Variants in ESPL1 observed in about 807,000 individuals in gnomAD.
ESPL1 encodes the protein separin.
Under a neutral mutation model 217.2 loss-of-function variants are expected in ESPL1, and 50 were observed. The observed-to-expected ratio is 0.23, with a 90% CI of 0.18 to 0.29. The LOEUF is 0.29. ESPL1 is among the 10% of genes least tolerant of loss of function. The probability of loss-of-function intolerance (pLI) is 1.00; values close to 1 mark genes in which losing one functional copy is unlikely to be tolerated. For synonymous variants in ESPL1, 994 were observed against 1,081.3 expected (o/e 0.92, Z 1.58); for missense variants, 1,834 against 2,603.0 (o/e 0.70, Z 6.43).
chr12:53,270,980 A>G (rs56805200), intron 5 of ESPL1, among the ~76,000 whole-genome samples, 182 bp downstream of exon 5: 5,343 of 152,228 alleles, frequency 0.035, 291 homozygotes, highest in African/African-American at 0.12. Flanking sequence ...GAAGTGATGA[A>G]GCTAACTTAC....
chr12:53,283,097 A>G, intron 14 of ESPL1, 32 bp from the exon 15 acceptor site: 2 of 1,613,642 alleles, frequency 1.2e-6, no homozygotes, highest in South Asian at 1.1e-5. Flanking sequence ...TTCTGGCTGC[A>G]TCTTCTCCCT....
intron 12 of ESPL1, 97 bp downstream of exon 12, chr12:53,279,963 G>A (rs538350037): frequency 1.0e-4 from 140 of 1,373,584 alleles, no homozygotes; most frequent in African/African-American, 1.3e-4. Context: ...GCAGCTTCTC[G>A]GCCTTTTACC....
At position 53,269,169 on chromosome 12, in the gene ESPL1, A is replaced by T. The variant is rs999059770; in HGVS notation, c.227A>T (p.Glu76Val). Residue 76 changes from glutamate (E) to valine (V), a missense_variant, in exon 3 of 31, where the codon GAG (glutamate) becomes GTG (valine). By Grantham distance (121) the Glu-to-Val change is moderately radical. Coordinates refer to ENST00000257934, the MANE Select transcript of ESPL1 (RefSeq NM_012291.5). This position sits in a 1 kb window ranked among gnomAD's most constrained non-coding sequence, Gnocchi z 6.7. ...ACPRHLGSLL[E>V]LAELACDGYL... ...CCTAGGCATCTGGGGAGCCTGCTGG[A>T]GCTGGCAGAGCTGGCCTGTGATGGC... The T allele has an allele frequency of 5.6e-6, 9 of 1,614,036 alleles. No homozygotes were observed. The highest frequency in any genetic ancestry group is 7.6e-6 in the Non-Finnish European group (9 of 1,180,040).
intron 15 of ESPL1, 62 bp from the exon 16 acceptor site, chr12:53,283,320 T>G (rs1592489388): frequency 6.2e-7 from 1 of 1,611,442 alleles, no homozygotes; most frequent in Non-Finnish European, 8.5e-7. Flanking sequence ...AGGGCTGCGG[T>G]TTTTTCTCCA....
Position 53,292,288 on chromosome 12 carries a change from C to T in ESPL1, c.5807C>T (p.Ser1936Leu), listed in dbSNP as rs763549148. ...GTGTCTCCTCCTCAGTATGGGGCCT[C>T]GCCAGTGCTGAGTCAAGGGGTGGAT... is the stretch of plus-strand genomic sequence containing the variant. ...SYSIIKEYGA[S>L]PVLSQGVDPR... Residue 1936 changes from serine to leucine, a missense_variant, in exon 28 of 31, where the codon TCG becomes TTG. Physicochemically the swap from Ser to Leu is moderately radical, Grantham distance 145. This residue lies in a region of ESPL1 where 295 missense variants were observed against 519.8 expected (regional missense o/e 0.57). Transcript: ENST00000257934. This position sits in a 1 kb window ranked among gnomAD's most constrained non-coding sequence, Gnocchi z 4.5. 2.5e-6 allele frequency: 4 copies of T among 1,612,088 alleles called. No individual in the cohort carries two copies. In the Admixed American group the frequency reaches 5.0e-5, roughly 20 times the overall value.
Position 53,269,401 on chromosome 12 carries a change from G to T in ESPL1, c.459G>T (p.Lys153Asn). ...GGGGCAGCTTTTCTCTGCTTTGGAAGGGGGCAGAAGCCCTGTTGGAACGGC... is the reference window on the plus strand; with the variant it reads ...GGGGCAGCTTTTCTCTGCTTTGGAATGGGGCAGAAGCCCTGTTGGAACGGC... The part of the protein sequence containing the change: ...VARGSFSLLW[K>N]GAEALLERRA... Residue 153 changes from lysine to asparagine, a missense_variant, in exon 3 of 31, where the codon AAG becomes AAT. Transcript: ENST00000257934. The surrounding 1 kb of genome is among the most constrained non-coding windows in gnomAD (Gnocchi z 6.7). 1 of 1,613,956 alleles carries T rather than the reference G, an allele frequency of 6.2e-7. No individual in the cohort carries two copies. Among genetic ancestry groups the T allele is most frequent in the Non-Finnish European group, 8.5e-7 (1 of 1,180,000 alleles).
intron 7 of ESPL1, 93 bp downstream of exon 7, chr12:53,275,103 G>A (rs529682457): frequency 7.9e-6 from 8 of 1,006,740 alleles, no homozygotes; most frequent in Admixed American, 6.4e-5. Flanking sequence ...AGGAGTTTGA[G>A]ACCATGGCCA....
intron 12 of ESPL1, among the ~76,000 whole-genome samples, chr12:53,281,215 G>T (rs908113680): frequency 7.3e-6 from 1 of 136,672 alleles, no homozygotes; most frequent in African/African-American, 2.8e-5. Context: ...TCCATTCACT[G>T]CAACCTCTGC....
Position 53,289,496 on chromosome 12 carries a change from G to T in ESPL1, c.5015G>T (p.Arg1672Leu). 1 of 1,614,074 alleles carries T rather than the reference G, an allele frequency of 6.2e-7. No individual in the cohort carries two copies. Residue 1672 changes from arginine (R) to leucine (L), a missense_variant, in exon 22 of 31, where the codon CGC (arginine) becomes CTC (leucine). By Grantham distance (102) the Arg-to-Leu change is moderately radical. This residue lies in a region of ESPL1 where 681 missense variants were observed against 808.0 expected (regional missense o/e 0.84). Coordinates refer to ENST00000257934, the MANE Select transcript of ESPL1 (RefSeq NM_012291.5). ...QEMPGDVPLARIQRLFSFRAL... is the reference protein window; with the variant it reads ...QEMPGDVPLALIQRLFSFRAL... ...ATGCCTGGAGATGTCCCCCTGGCCC[G>T]CATCCAGCGCCTCTTTTCCTTCAGG...
chr12:53,284,966 G>A lies in ESPL1; in HGVS notation c.3187+799G>A, dbSNP rs1045340115. ...GGCGGAGGTTGCAGTGAGGAAGATT[G>A]CACCATTGCACTCCAGCCCGGGTGA... On this transcript the variant is annotated intron_variant, in intron 17 of 30. Transcript: ENST00000257934. 7.4e-5 allele frequency among the ~76,000 whole-genome samples: 10 copies of A among 134,526 alleles called. No individual in the cohort carries two copies. In the East Asian group the frequency reaches 1.1e-3, roughly 15 times the overall value. The allele number at this position is 134,526 out of a possible 152,430, so 88.3% of individuals were successfully genotyped here. A position where few individuals can be genotyped will look rare whatever the true frequency, so the allele number is the denominator to read the frequency against.
intron 24 of ESPL1, 52 bp downstream of exon 24, chr12:53,290,521 TC>T: frequency 6.2e-7 from 1 of 1,600,920 alleles, no homozygotes; most frequent in Non-Finnish European, 8.5e-7. Flanking sequence ...ACCCGGGGGG[TC>T]CCAGTGACTT....
intron 7 of ESPL1, among the ~76,000 whole-genome samples, chr12:53,275,229 G>A (rs977085412): frequency 2.6e-5 from 4 of 152,180 alleles, no homozygotes; most frequent in South Asian, 2.1e-4. Flanking sequence ...TTGGGAGGCC[G>A]AGGCGGGCAG....
chr12:53,278,189 G>C (rs933135794), intron 11 of ESPL1, among the ~76,000 whole-genome samples: 5 of 151,966 alleles, frequency 3.3e-5, no homozygotes, highest in African/African-American at 9.6e-5. Flanking sequence ...TCTAAAATAG[G>C]GGCCATGCTA....
chr12:53,285,010 CA>C (rs546915854), intron 17 of ESPL1, among the ~76,000 whole-genome samples: 11 of 100,458 alleles, frequency 1.1e-4, no homozygotes, highest in African/African-American at 2.2e-4. Context: ...GACTCTGACT[CA>C]AAAAAAAAAA....
In ESPL1 at chr12:53,290,448, G is replaced by A; in HGVS notation, c.5343G>A (p.Leu1781=). ...AGCGAGAATGGTGGACAGGGCGGCT[G>A]GCACTGGACCACAGGATGGAGGTGT... ...TDKREWWTGR[L]ALDHRMEVLI... The change falls in exon 24 of 31, where the codon CTG becomes CTA. Residue 1781 remains leucine, a synonymous_variant. Transcript: ENST00000257934. 1 of 1,613,004 alleles carries A rather than the reference G, an allele frequency of 6.2e-7. No individual in the cohort carries two copies. Among genetic ancestry groups the A allele is most frequent in the Non-Finnish European group, 8.5e-7 (1 of 1,179,774 alleles).
Position 53,278,442 on chromosome 12 carries a change from C to T in ESPL1, c.2364+482C>T, listed in dbSNP as rs549519134. 8.7e-5 allele frequency among the ~76,000 whole-genome samples: 13 copies of T among 149,906 alleles called. No homozygotes were observed. The East Asian group carries it at 2.4e-3, about 28-fold the overall frequency. ...AGTGAGCCAAGATCGCGCCACTGCA[C>T]TCCATCCTGGGGGACAGAGCAAGAT... On this transcript the variant is annotated intron_variant, in intron 11 of 30. Transcript: ENST00000257934.
rs1050620550 is a variant in ESPL1, at chr12:53,287,057, A to C, written c.4176+145A>C. 10 of 777,646 alleles carry C rather than the reference A, an allele frequency of 1.3e-5. No individual in the cohort carries two copies. In the African/African-American group the frequency reaches 1.8e-4, roughly 14 times the overall value. The allele number at this position is 777,646 out of a possible 1,614,324, so 48.2% of individuals were successfully genotyped here. On this transcript the variant is annotated intron_variant, in intron 18 of 30. Coordinates refer to ENST00000257934, the MANE Select transcript of ESPL1 (RefSeq NM_012291.5). The stretch of plus-strand genomic sequence containing the variant: ...AATCTCCTGCTATCTGCAGTACCCC[A>C]ATATCTTGCTTTTTTGTTTTTTGTT...
At chr12:53,276,948 T>C (rs1943775937) in intron 8 of ESPL1, 89 bp downstream of exon 8, 2 of 1,563,306 alleles carry the variant, frequency 1.3e-6, no homozygotes. Flanking sequence ...TCCACAGCCC[T>C]GAGCTCTCCC....
At chr12:53,277,264 T>C (rs772556066) in intron 9 of ESPL1, 37 bp downstream of exon 9, 1 of 1,588,098 alleles carries the variant, frequency 6.3e-7, no homozygotes, top group Non-Finnish European at 8.6e-7. Context: ...CAGAACTGGG[T>C]GTAGGAATTA....
Sources: allele counts gnomAD v4.1 joint callset (sites outside exome capture counted in the v4.1 genomes callset), GRCh38; gene constraint gnomAD v4.1.1; regional missense constraint gnomAD v4.1.1; non-coding constraint Gnocchi (gnomAD v3.1); transcripts MANE v1.5; gene names NCBI Gene and HGNC (gene_info 2026-07-23, HGNC 2026-07-21).